The following CDYL variants were observed in gnomAD, a reference collection of about 807,000 sequenced individuals.
The protein encoded by CDYL is chromodomain Y-like protein.
A neutral mutation model predicts 47.3 loss-of-function variants in CDYL; 8 were observed. That is an observed-to-expected ratio of 0.17 (90% CI 0.10 to 0.31). The LOEUF (loss-of-function observed/expected upper bound fraction) is 0.31. CDYL is among the 10% of genes least tolerant of loss of function. The pLI is 1.00. For missense variants in CDYL, 471 were observed against 701.4 expected (o/e 0.67, Z 3.71); for synonymous variants, 266 against 265.0 (o/e 1.00, Z -0.04).
chr6:4,743,914 G>A (rs1049063431), intron 3 of CDYL, among the ~76,000 whole-genome samples: 13 of 152,202 alleles, frequency 8.5e-5, no homozygotes, highest in Non-Finnish European at 1.6e-4. Context: ...ATATGACTTA[G>A]ATAAAATACC....
intron 5 of CDYL, 55 bp downstream of exon 5, chr6:4,943,811 G>A: frequency 7.6e-7 from 1 of 1,320,300 alleles, no homozygotes; most frequent in Non-Finnish European, 1.0e-6. Context: ...GCTTCCTGAA[G>A]AAATCTAGTT....
chr6:4,732,206 A>G (rs1430583680), intron 2 of CDYL, among the ~76,000 whole-genome samples: 1 of 152,092 alleles, frequency 6.6e-6, no homozygotes, highest in Non-Finnish European at 1.5e-5. Flanking sequence ...ATGATGGTGC[A>G]TGCTTGTAGT....
At chr6:4,742,503 C>T (rs752438663) in intron 3 of CDYL, among the ~76,000 whole-genome samples, 48 of 149,170 alleles carry the variant, frequency 3.2e-4, no homozygotes, top group African/African-American at 1.2e-3. Flanking sequence ...CAGCCATGAT[C>T]AAATCCTGCT....
chr6:4,893,155 G>A (rs1351599230), intron 2 of CDYL, among the ~76,000 whole-genome samples: 2 of 152,236 alleles, frequency 1.3e-5, no homozygotes, highest in African/African-American at 2.4e-5. Context: ...CCTGCTTCCT[G>A]CCTTCTGACA....
intron 1 of CDYL, 92 bp from the exon 2 acceptor site, chr6:4,891,621 T>G (rs1762044216): frequency 2.0e-6 from 2 of 991,388 alleles, no homozygotes; most frequent in Non-Finnish European, 2.9e-6. Context: ...TCTATTGTGG[T>G]TTTTGCTATT....
In CDYL at chr6:4,952,459, T is replaced by A. The variant is rs1299862488; in HGVS notation, c.1476+50T>A. On this transcript the variant is annotated intron_variant, in intron 6 of 6. Transcript: ENST00000397588. ...CGTTACTTTTTAAAAAATAGAAACTTTTCCCTCAGAGAGCTCACAAATTTG... is the reference window on the plus strand; with the variant it reads ...CGTTACTTTTTAAAAAATAGAAACTATTCCCTCAGAGAGCTCACAAATTTG... 4 of 1,569,932 alleles carry A rather than the reference T, an allele frequency of 2.5e-6. No individual in the cohort carries two copies. In the African/African-American group the frequency reaches 5.5e-5, roughly 21 times the overall value.
chr6:4,900,779 G>GTGTGTGTGTGTGTATATATATA, intron 2 of CDYL, among the ~76,000 whole-genome samples: 1 of 51,718 alleles, frequency 1.9e-5, no homozygotes, highest in African/African-American at 6.3e-5. Context: ...GTATACGTGT[G>GTGTGTGTGTGTGTATATATATA]TATATATATA....
chr6:4,879,040 G>A (rs1020187989), intron 1 of CDYL, among the ~76,000 whole-genome samples: 10 of 152,036 alleles, frequency 6.6e-5, no homozygotes, highest in Non-Finnish European at 1.2e-4. Flanking sequence ...CTCCCCTGCA[G>A]TCAGAGAACA....
intron 1 of CDYL, among the ~76,000 whole-genome samples, chr6:4,781,925 C>T (rs973314115): frequency 6.6e-6 from 1 of 152,124 alleles, no homozygotes; most frequent in East Asian, 1.9e-4. Context: ...ACCCAAACCA[C>T]GAGATTATAA....
chr6:4,781,601 A>G (rs1396158756), intron 1 of CDYL, among the ~76,000 whole-genome samples: 1 of 152,200 alleles, frequency 6.6e-6, no homozygotes, highest in Non-Finnish European at 1.5e-5. Context: ...GAGACCTCTC[A>G]TGTGCTCTTC....
intron 2 of CDYL, among the ~76,000 whole-genome samples, chr6:4,923,889 A>T (rs1430385121): frequency 8.4e-6 from 1 of 119,664 alleles, no homozygotes; most frequent in African/African-American, 3.2e-5. Context: ...TGACAGAGTG[A>T]GACTCCGTCT....
intron 2 of CDYL, among the ~76,000 whole-genome samples, chr6:4,933,805 G>C (rs1758102147): frequency 1.3e-5 from 2 of 152,192 alleles, no homozygotes; most frequent in Admixed American, 6.5e-5. Context: ...GACAGCACTG[G>C]GATGACAGAG....
intron 1 of CDYL, among the ~76,000 whole-genome samples, chr6:4,842,617 G>T (rs1015804802): frequency 2.0e-5 from 3 of 152,050 alleles, no homozygotes; most frequent in Non-Finnish European, 4.4e-5. Context: ...CTCTTGCACG[G>T]AATGTCTGTT....
In CDYL at chr6:4,846,332, C is replaced by T. The variant is rs574847707; in HGVS notation, c.25-45381C>T. The stretch of plus-strand genomic sequence containing the variant: ...ATTTACTATTAACTTTCTTGAGAAA[C>T]GGAAATGTAGTACTTATTAAATCTG... On this transcript the variant is annotated intron_variant, in intron 1 of 6. Coordinates refer to ENST00000397588, the MANE Select transcript of CDYL (RefSeq NM_004824.4). Among the ~76,000 whole-genome samples, 28 of 152,194 alleles carry T rather than the reference C, an allele frequency of 1.8e-4. No individual in the cohort carries two copies. The South Asian group carries it at 5.4e-3, about 29-fold the overall frequency.
At chr6:4,715,725 G>A (rs1757243582) in intron 1 of CDYL, 2 of 1,607,628 alleles carry the variant, frequency 1.2e-6, no homozygotes, top group African/African-American at 2.7e-5. Flanking sequence ...TCCTCTTGTT[G>A]GGATTGTAAT....
chr6:4,940,797 A>G (rs954146699), intron 4 of CDYL, among the ~76,000 whole-genome samples: 4 of 152,252 alleles, frequency 2.6e-5, no homozygotes, highest in South Asian at 2.1e-4. Flanking sequence ...CCCCAGGGGC[A>G]AGAGGATTTG....
rs113583831 is a variant in CDYL, at chr6:4,852,603, C to CTCCTTCCT, written c.25-39097_25-39090dup. ...TCCAATCTTCCTTCCTCCTTCCTTC[C>CTCCTTCCT]TCCTTCCTTCCTTCCTTCCTGTTTA... is the stretch of plus-strand genomic sequence containing the variant. On this transcript the variant is annotated intron_variant, in intron 1 of 6. Coordinates refer to ENST00000397588, the MANE Select transcript of CDYL (RefSeq NM_004824.4). Among the ~76,000 whole-genome samples the CTCCTTCCT allele has an allele frequency of 3.3e-4, 40 of 122,984 alleles. 3 individuals are homozygous for CTCCTTCCT. Among genetic ancestry groups the CTCCTTCCT allele is most frequent in the African/African-American group, 1.5e-3 (35 of 22,630 alleles). 80.7% of individuals were successfully genotyped at this position (122,984 alleles called of 152,430 possible). A position where few individuals can be genotyped will look rare whatever the true frequency, so the allele number is the denominator to read the frequency against.
intron 1 of CDYL, among the ~76,000 whole-genome samples, chr6:4,862,732 T>C (rs1049578981): frequency 6.6e-6 from 1 of 152,208 alleles, no homozygotes. Context: ...ATTTATAGCT[T>C]CAAAGAGAAA....
At chr6:4,905,551 C>T (rs545391502) in intron 2 of CDYL, among the ~76,000 whole-genome samples, 1 of 152,138 alleles carries the variant, frequency 6.6e-6, no homozygotes, top group Non-Finnish European at 1.5e-5. Context: ...GGATGAACTG[C>T]TGAGTTTGAA....
Sources: gnomAD v4.1 joint callset for allele counts (sites outside exome capture counted in the v4.1 genomes callset) on GRCh38, gnomAD v4.1.1 for gene constraint, MANE v1.5 for transcripts, NCBI Gene and HGNC (gene_info 2026-07-23, HGNC 2026-07-21) for gene names.